Variants in MSH6 observed in about 807,000 individuals in gnomAD.
The protein encoded by MSH6 is DNA mismatch repair protein Msh6.
MSH6 carries 85 observed loss-of-function variants against 119.1 expected under a neutral mutation model. That is an observed-to-expected ratio of 0.71 (90% CI 0.60 to 0.85). The LOEUF (loss-of-function observed/expected upper bound fraction) is 0.85, where lower values mean the gene tolerates loss of function less well. Ranked by LOEUF, MSH6 falls within the 40% of genes least tolerant of loss-of-function variation. MSH6 has a pLI of 0.00. For missense variants in MSH6, 2,163 were observed against 1,655.3 expected (o/e 1.31, Z -5.32); for synonymous variants, 830 against 586.9 (o/e 1.41, Z -5.99).
rs1365040309 is a variant in MSH6 at position 47,804,415 on chromosome 2, C to A, written c.3439-495C>A. On this transcript the variant is annotated intron_variant, in intron 5 of 9. Coordinates refer to ENST00000234420, the MANE Select transcript of MSH6 (RefSeq NM_000179.3). The stretch of plus-strand genomic sequence containing the variant: ...TAGTAGTTGGCTGGTCCCCGCTGCT[C>A]TCCTGCATTATAGTATACTTCTGTT... 2.0e-5 allele frequency among the ~76,000 whole-genome samples: 3 copies of A among 152,072 alleles called. 1 individual carries two copies. Among genetic ancestry groups the A allele is most frequent in the African/African-American group, 7.2e-5 (3 of 41,402 alleles).
At chr2:47,788,930 T>TGTTTTTG (rs1558650258) in intron 1 of MSH6, among the ~76,000 whole-genome samples, 2 of 92,722 alleles carry the variant, frequency 2.2e-5, no homozygotes, top group African/African-American at 1.0e-4. Flanking sequence ...TTGTTTTTTT[T>TGTTTTTG]TTTTTTTTTT....
At position 47,804,785 on chromosome 2, in the gene MSH6, C is replaced by G. The variant is rs139887193; in HGVS notation, c.3439-125C>G. The G allele has an allele frequency of 3.8e-4, 298 of 781,458 alleles. 2 individuals are homozygous for G. Among genetic ancestry groups the G allele is most frequent in the Middle Eastern group, 1.4e-3 (6 of 4,362 alleles). The allele number at this position is 781,458 out of a possible 1,614,324, so 48.4% of individuals were successfully genotyped here. On this transcript the variant is annotated intron_variant, in intron 5 of 9. Coordinates refer to ENST00000234420, the MANE Select transcript of MSH6 (RefSeq NM_000179.3). ...CAAATGGATTTCAGAACAGAACCAA[C>G]GTACATGTGATTGTGAAAGTTGTTT...
chr2:47,808,629 A>G (rs1364816446), downstream of MSH6: 8 of 493,074 alleles, frequency 1.6e-5, no homozygotes, highest in Non-Finnish European at 2.1e-5. Flanking sequence ...AGGGAAGAGA[A>G]ATGATTTGTA....
rs200707649 is a variant in MSH6 at position 47,791,854 on chromosome 2, T to TA, written c.457+731_457+732insA. 3.0e-4 allele frequency among the ~76,000 whole-genome samples: 44 copies of TA among 148,750 alleles called. 1 individual carries two copies. Among genetic ancestry groups the TA allele is most frequent in the Middle Eastern group, 6.8e-3 (2 of 292 alleles). The stretch of plus-strand genomic sequence containing the variant: ...CACGTTGCCTGGCTATATATATATA[T>TA]TTTTTTTTTGAGACGGAGTTTTGCT... On this transcript the variant is annotated intron_variant, in intron 2 of 9. Coordinates refer to ENST00000234420, the MANE Select transcript of MSH6 (RefSeq NM_000179.3).
intron 1 of MSH6, 26 bp from the exon 2 acceptor site, chr2:47,790,901 A>G (rs2104096881): frequency 6.2e-7 from 1 of 1,609,722 alleles, no homozygotes; most frequent in South Asian, 1.1e-5. Flanking sequence ...ATATTAACTA[A>G]GTTATGTATT....
At chr2:47,791,675 C>CTTTTTTTT (rs575880393) in intron 2 of MSH6, among the ~76,000 whole-genome samples, 1 of 132,506 alleles carries the variant, frequency 7.5e-6, no homozygotes, top group Non-Finnish European at 1.6e-5. Flanking sequence ...CTCTTTCTTT[C>CTTTTTTTT]TTTTTTTTTT....
At chr2:47,801,405 G>C in intron 4 of MSH6, 1 of 341,178 alleles carries the variant, frequency 2.9e-6, no homozygotes, top group Non-Finnish European at 4.9e-6. Context: ...GTCTTGCTCT[G>C]TTGCCCAGGC....
At chr2:47,792,831 G>A (rs1668825258) in intron 2 of MSH6, among the ~76,000 whole-genome samples, 1 of 149,130 alleles carries the variant, frequency 6.7e-6, no homozygotes, top group Non-Finnish European at 1.5e-5. Flanking sequence ...ACCACACCTG[G>A]CTAATTTTTA....
At position 47,799,050 on chromosome 2, in the gene MSH6, G is replaced by C. The variant is rs776170146; in HGVS notation, c.1067G>C (p.Gly356Ala). The C allele has an allele frequency of 1.9e-6, 3 of 1,614,198 alleles. No homozygotes were observed. The highest frequency in any genetic ancestry group is 2.5e-6 in the Non-Finnish European group (3 of 1,180,050). Residue 356 changes from glycine (G) to alanine (A), a missense_variant, in exon 4 of 10, where the codon GGT becomes GCT. Gly to Ala is a moderately conservative substitution (Grantham distance 60, BLOSUM62 0). Transcript: ENST00000234420. ...TCCCAAGCCCACGTTAGTGGAGGTG[G>C]TGATGACAGTAGTCGCCCTACTGTT... is the stretch of plus-strand genomic sequence containing the variant. ...SESQAHVSGG[G>A]DDSSRPTVWY...
At chr2:47,784,229 G>A in intron 1 of MSH6, 6 of 1,002,206 alleles carry the variant, frequency 6.0e-6, no homozygotes, top group Non-Finnish European at 7.1e-6. Flanking sequence ...GGATCCGGCT[G>A]GGTCCTTCGG....
At position 47,805,714 on chromosome 2, in the gene MSH6, C is replaced by T. The variant is rs1057522750; in HGVS notation, c.3646+7C>T. 1.3e-6 allele frequency: 2 copies of T among 1,570,052 alleles called. No homozygotes were observed. The highest frequency in any genetic ancestry group is 1.7e-5 in the Admixed American group (1 of 58,986). On this transcript the variant is annotated splice_region_variant and intron_variant, in intron 7 of 9. Coordinates refer to ENST00000234420, the MANE Select transcript of MSH6 (RefSeq NM_000179.3). ...GTGCTTGTGGATGAATTAGGTAAGA[C>T]ATTAAACTTCTCATTTGAAGACTAT... is the stretch of plus-strand genomic sequence containing the variant.
intron 4 of MSH6, among the ~76,000 whole-genome samples, chr2:47,803,151 C>T (rs1019965150): frequency 5.9e-5 from 9 of 152,086 alleles, no homozygotes; most frequent in Admixed American, 2.6e-4. Flanking sequence ...CTGCTGACCT[C>T]GTGAACTCTG....
At chr2:47,788,303 G>A (rs1668469319) in intron 1 of MSH6, among the ~76,000 whole-genome samples, 1 of 129,840 alleles carries the variant, frequency 7.7e-6, no homozygotes, top group Non-Finnish European at 1.5e-5. Flanking sequence ...CACCCAGGCT[G>A]GAGTGCAGTG....
chr2:47,785,159 A>T (rs111466947), intron 1 of MSH6, among the ~76,000 whole-genome samples: 2,022 of 150,870 alleles, frequency 0.013, 34 homozygotes, highest in African/African-American at 0.044. Context: ...AATGGTCGCT[A>T]TTTGAACAAA....
At chr2:47,808,970 T>C (rs761436185), downstream of MSH6, 8 of 471,464 alleles carry the variant, frequency 1.7e-5, no homozygotes, top group Non-Finnish European at 2.2e-5. Context: ...GTGCTAGGAT[T>C]ACAGGCATAA....
Position 47,799,129 on chromosome 2 carries a change from C to G in MSH6, c.1146C>G (p.His382Gln), listed in dbSNP as rs1572721856. The change falls in exon 4 of 10, where the codon CAC becomes CAG. Residue 382 changes from histidine to glutamine, a missense_variant. His to Gln is a conservative substitution (Grantham distance 24). Transcript: ENST00000234420. ...WLKEEKRRDEHRRRPDHPDFD... is the reference protein window; with the variant it reads ...WLKEEKRRDEQRRRPDHPDFD... ...AGGAGGAAAAGAGAAGAGATGAGCA[C>G]AGGAGGAGGCCTGATCACCCCGATT... The G allele has an allele frequency of 1.2e-6, 2 of 1,614,016 alleles. No individual in the cohort carries two copies. The highest frequency in any genetic ancestry group is 1.3e-5 in the African/African-American group (1 of 74,900).
chr2:47,798,730 G>T lies in MSH6; in HGVS notation c.747G>T (p.Arg249Ser), dbSNP rs63750372. ...GTAGCCGCCAAATAAAAAAACGAAG[G>T]GTCATATCAGATTCTGAGAGTGACA... ...RRSSRQIKKR[R>S]VISDSESDIG... Residue 249 changes from arginine to serine, a missense_variant, in exon 4 of 10, where the codon AGG (arginine) becomes AGT (serine). By Grantham distance (110) the Arg-to-Ser change is moderately radical. Transcript: ENST00000234420. 1.9e-6 allele frequency: 3 copies of T among 1,614,048 alleles called. No homozygotes were observed. The South Asian group carries it at 3.3e-5, about 18-fold the overall frequency.
chr2:47,798,162 A>C (rs1669211318), intron 3 of MSH6: 1 of 173,448 alleles, frequency 5.8e-6, no homozygotes, highest in African/African-American at 2.4e-5. Context: ...ATGTCAAGTG[A>C]AACTGAAGTT....
chr2:47,803,352 C>A (rs1392388894), intron 4 of MSH6, 68 bp from the exon 5 acceptor site: 1 of 1,592,170 alleles, frequency 6.3e-7, no homozygotes, highest in South Asian at 1.1e-5. Context: ...TAAAGAAGAC[C>A]TATAAAACAC....
Sources: gnomAD v4.1 joint callset for allele counts (sites outside exome capture counted in the v4.1 genomes callset) on GRCh38, gnomAD v4.1.1 for gene constraint, MANE v1.5 for transcripts, NCBI Gene and HGNC (gene_info 2026-07-23, HGNC 2026-07-21) for gene names.